The following DDX10 variants were observed in gnomAD, a reference collection of about 807,000 sequenced individuals.
The protein encoded by DDX10 is probable ATP-dependent RNA helicase DDX10.
A neutral mutation model predicts 104.3 loss-of-function variants in DDX10; 74 were observed. The ratio of observed to expected loss-of-function variants is 0.71; its 90% confidence interval spans 0.59 to 0.86. The LOEUF (loss-of-function observed/expected upper bound fraction) is 0.86. Ranked by LOEUF, DDX10 falls within the 40% of genes least tolerant of loss-of-function variation. The pLI is 0.00. For synonymous variants in DDX10, 351 were observed against 353.4 expected (o/e 0.99, Z 0.08); for missense variants, 952 against 1,040.0 (o/e 0.92, Z 1.16).
chr11:108,870,056 A>G (rs1268162542), intron 16 of DDX10, among the ~76,000 whole-genome samples: 3 of 152,266 alleles, frequency 2.0e-5, no homozygotes, highest in African/African-American at 7.2e-5. Context: ...GGACTATAAA[A>G]TTACAATAGG....
At chr11:108,914,223 T>G (rs966669155) in intron 16 of DDX10, among the ~76,000 whole-genome samples, 3 of 152,218 alleles carry the variant, frequency 2.0e-5, no homozygotes, top group Non-Finnish European at 4.4e-5. Context: ...CTTATTAAAT[T>G]GTAGGTATTT....
At chr11:108,829,829 C>T (rs184172509) in intron 13 of DDX10, among the ~76,000 whole-genome samples, 14 of 152,186 alleles carry the variant, frequency 9.2e-5, no homozygotes, top group Admixed American at 7.8e-4. Context: ...CACTATTTGT[C>T]GAATAGTGTG....
intron 13 of DDX10, among the ~76,000 whole-genome samples, chr11:108,757,868 T>A (rs2094346345): frequency 6.6e-6 from 1 of 152,186 alleles, no homozygotes; most frequent in Middle Eastern, 3.4e-3. Flanking sequence ...TCTCTTAACC[T>A]TTTCCTTTTT....
chr11:108,797,321 C>G (rs750598685), intron 13 of DDX10, among the ~76,000 whole-genome samples: 1 of 152,070 alleles, frequency 6.6e-6, no homozygotes, highest in African/African-American at 2.4e-5. Context: ...CGTGAGCCAC[C>G]GCGCCCAGCC....
chr11:108,842,821 T>C (rs1862659443), intron 15 of DDX10, among the ~76,000 whole-genome samples: 1 of 152,198 alleles, frequency 6.6e-6, no homozygotes, highest in Non-Finnish European at 1.5e-5. Context: ...TTAGAGTATT[T>C]ATCCAGGGGA....
At chr11:108,785,648 G>T (rs1346752728) in intron 13 of DDX10, among the ~76,000 whole-genome samples, 1 of 151,942 alleles carries the variant, frequency 6.6e-6, no homozygotes, top group Non-Finnish European at 1.5e-5. Context: ...CTTTCTTCCT[G>T]GTTCAATCTT....
chr11:108,839,893 A>G (rs1051004383), intron 14 of DDX10, among the ~76,000 whole-genome samples: 1 of 152,226 alleles, frequency 6.6e-6, no homozygotes, highest in African/African-American at 2.4e-5. Context: ...GTTCCTTAGT[A>G]TGCTACTAAG....
chr11:108,692,363 A>G (rs1316759505), intron 8 of DDX10, among the ~76,000 whole-genome samples: 4 of 152,228 alleles, frequency 2.6e-5, no homozygotes, highest in Admixed American at 6.5e-5. Context: ...GTTTATAGAT[A>G]CTGAACTCAT....
At chr11:108,671,466 G>A (rs932424354) in intron 1 of DDX10, among the ~76,000 whole-genome samples, 3 of 152,186 alleles carry the variant, frequency 2.0e-5, no homozygotes, top group Non-Finnish European at 2.9e-5. Context: ...GCCTGGCTGG[G>A]TTATTTTCTT....
chr11:108,811,393 T>C (rs899419831), intron 13 of DDX10, among the ~76,000 whole-genome samples: 3 of 152,100 alleles, frequency 2.0e-5, no homozygotes, highest in Non-Finnish European at 4.4e-5. Context: ...AAAAGGATCA[T>C]GGGGCACAGG....
intron 13 of DDX10, among the ~76,000 whole-genome samples, chr11:108,781,613 C>T (rs1478133000): frequency 6.6e-6 from 1 of 152,048 alleles, no homozygotes; most frequent in African/African-American, 2.4e-5. Flanking sequence ...TTTTGTTTTT[C>T]AAAATCGTTC....
At chr11:108,828,422 C>T (rs1394925817) in intron 13 of DDX10, among the ~76,000 whole-genome samples, 6 of 152,170 alleles carry the variant, frequency 3.9e-5, no homozygotes, top group Admixed American at 3.3e-4. Flanking sequence ...CCATTACTGA[C>T]TTACTTTACT....
rs151144959 is a variant in DDX10, at chr11:108,801,693, A to G, written c.1966-36753A>G. Among the ~76,000 whole-genome samples, 652 of 152,318 alleles carry G rather than the reference A, an allele frequency of 4.3e-3. 4 individuals are homozygous for G. Among genetic ancestry groups the G allele is most frequent in the African/African-American group, 0.014 (585 of 41,564 alleles). ...GTTTTATGTGCTAGACACTGTGCTA[A>G]ATAAAAACTAGTAAATAGTAAAGTT... On this transcript the variant is annotated intron_variant, in intron 13 of 17. Coordinates refer to ENST00000322536, the MANE Select transcript of DDX10 (RefSeq NM_004398.4).
chr11:108,698,039 G>A (rs2094262346), intron 9 of DDX10, among the ~76,000 whole-genome samples: 3 of 152,180 alleles, frequency 2.0e-5, no homozygotes. Context: ...AACATAAGGA[G>A]CAGAATGTGA....
chr11:108,831,421 C>CAAAAAAAAAA, intron 13 of DDX10, among the ~76,000 whole-genome samples: 1 of 69,824 alleles, frequency 1.4e-5, no homozygotes, highest in Non-Finnish European at 2.5e-5. Context: ...GAGACTGTCT[C>CAAAAAAAAAA]AAAAAAAAAA....
At chr11:108,914,372 C>T (rs1432630307) in intron 16 of DDX10, among the ~76,000 whole-genome samples, 2 of 152,092 alleles carry the variant, frequency 1.3e-5, no homozygotes, top group East Asian at 1.9e-4. Flanking sequence ...TTAGAGGAAT[C>T]GCCAGAGGCA....
At chr11:108,832,076 C>T (rs567569503) in intron 13 of DDX10, among the ~76,000 whole-genome samples, 28 of 152,214 alleles carry the variant, frequency 1.8e-4, no homozygotes, top group Non-Finnish European at 2.5e-4. Flanking sequence ...CTATAAATTT[C>T]ATTCTTGTAC....
At chr11:108,848,634 T>C (rs1862750783) in intron 15 of DDX10, among the ~76,000 whole-genome samples, 1 of 152,110 alleles carries the variant, frequency 6.6e-6, no homozygotes, top group Non-Finnish European at 1.5e-5. Context: ...GACATTTAGC[T>C]CAATATCTTG....
rs184126780 is a variant in DDX10 at position 108,927,571 on chromosome 11, T to C, written c.2450+9553T>C. Among the ~76,000 whole-genome samples the C allele has an allele frequency of 2.1e-3, 317 of 152,284 alleles. 1 individual carries two copies. Among genetic ancestry groups the C allele is most frequent in the African/African-American group, 7.3e-3 (305 of 41,550 alleles). On this transcript the variant is annotated intron_variant, in intron 17 of 17. Transcript: ENST00000322536. ...CCAGCAGGAGAGAAGTTAACAGATT[T>C]TCCCAGAAGATGTTTTTCTTCTATG...
Sources: allele counts gnomAD v4.1 joint callset (sites outside exome capture counted in the v4.1 genomes callset), GRCh38; gene constraint gnomAD v4.1.1; transcripts MANE v1.5; gene names NCBI Gene and HGNC (gene_info 2026-07-23, HGNC 2026-07-21).